The following CD28 variants were observed in gnomAD, a reference collection of about 807,000 sequenced individuals.
CD28 encodes CD28 molecule, also known as T-cell-specific surface glycoprotein CD28.
In CD28, 8 loss-of-function variants were observed where a neutral mutation model predicts 21.4. The ratio of observed to expected loss-of-function variants is 0.37; its 90% CI spans 0.22 to 0.68. The LOEUF is 0.68. CD28 is among the 30% of genes least tolerant of loss of function. CD28 has a pLI of 0.55. For synonymous variants in CD28, 106 were observed against 104.0 expected (o/e 1.02, Z -0.12); for missense variants, 239 against 272.2 (o/e 0.88, Z 0.86).
At chr2:203,728,270 A>C (rs1693804548) in intron 2 of CD28, among the ~76,000 whole-genome samples, 1 of 152,236 alleles carries the variant, frequency 6.6e-6, no homozygotes, top group South Asian at 2.1e-4. Context: ...GAATTAGTGA[A>C]AATAAGTCTA....
At chr2:203,711,741 C>G (rs1693317439) in intron 1 of CD28, among the ~76,000 whole-genome samples, 1 of 152,200 alleles carries the variant, frequency 6.6e-6, no homozygotes, top group Admixed American at 6.5e-5. Context: ...TCATGTTAGA[C>G]TTTTCGTGAA....
In CD28 at chr2:203,734,814, A is replaced by C. The variant is rs753396357; in HGVS notation, c.565A>C (p.Ser189Arg). The change falls in exon 4 of 4, where the codon AGT becomes CGT. Residue 189 changes from serine to arginine, a missense_variant. Coordinates refer to ENST00000324106, the MANE Select transcript of CD28 (RefSeq NM_006139.4). ...GAGTAAGAGGAGCAGGCTCCTGCAC[A>C]GTGACTACATGAACATGACTCCCCG... ...VRSKRSRLLHSDYMNMTPRRP... is the reference protein window; with the variant it reads ...VRSKRSRLLHRDYMNMTPRRP... 3 of 1,614,070 alleles carry C rather than the reference A, an allele frequency of 1.9e-6. No homozygotes were observed. The highest frequency in any genetic ancestry group is 3.3e-5 in the Admixed American group (2 of 60,008).
At chr2:203,708,724 T>C (rs1453080196) in intron 1 of CD28, among the ~76,000 whole-genome samples, 2 of 152,242 alleles carry the variant, frequency 1.3e-5, no homozygotes, top group African/African-American at 4.8e-5. Context: ...TAGCATTTGA[T>C]ACTGAGTGGC....
chr2:203,714,355 C>T (rs768242025), intron 1 of CD28, among the ~76,000 whole-genome samples: 1 of 152,132 alleles, frequency 6.6e-6, no homozygotes, highest in African/African-American at 2.4e-5. Flanking sequence ...TCACAGGGTT[C>T]AAACCAACCC....
chr2:203,721,349 C>T (rs923317408), intron 1 of CD28, among the ~76,000 whole-genome samples: 16 of 152,112 alleles, frequency 1.1e-4, no homozygotes, highest in Admixed American at 7.2e-4. Context: ...AGAAGAGAGC[C>T]CAAGCTCTCT....
chr2:203,722,115 A>G (rs536913762), intron 1 of CD28, among the ~76,000 whole-genome samples: 190 of 152,296 alleles, frequency 1.2e-3, no homozygotes, highest in Non-Finnish European at 2.3e-3. Context: ...GATCAGGAAG[A>G]ATTTGAATGT....
intron 1 of CD28, among the ~76,000 whole-genome samples, chr2:203,712,250 A>G (rs1316091034): frequency 6.6e-6 from 1 of 152,148 alleles, no homozygotes; most frequent in Non-Finnish European, 1.5e-5. Flanking sequence ...AGTACAAGTA[A>G]TTAGGTAGTT....
At chr2:203,722,514 C>T (rs1298235373) in intron 1 of CD28, among the ~76,000 whole-genome samples, 2 of 152,150 alleles carry the variant, frequency 1.3e-5, no homozygotes. Flanking sequence ...CTGCTGATAA[C>T]AACAATACAG....
chr2:203,725,957 C>T (rs1029811829), intron 1 of CD28, among the ~76,000 whole-genome samples: 1 of 152,058 alleles, frequency 6.6e-6, no homozygotes, highest in African/African-American at 2.4e-5. Flanking sequence ...GCTTGTAATC[C>T]CAGCACTTTG....
In CD28 at chr2:203,723,703, G is replaced by A. The variant is rs996317923; in HGVS notation, c.53-2930G>A. Among the ~76,000 whole-genome samples, 7 of 152,128 alleles carry A rather than the reference G, an allele frequency of 4.6e-5. No individual in the cohort carries two copies. The East Asian group carries it at 5.8e-4, about 13-fold the overall frequency. On this transcript the variant is annotated intron_variant, in intron 1 of 3. Transcript: ENST00000324106. ...AAACCATGATGAGATATCACTTCAC[G>A]TCCACCAGGATGGCTATAATAGAAA...
At chr2:203,728,473 C>T (rs1581514981) in intron 2 of CD28, among the ~76,000 whole-genome samples, 1 of 152,098 alleles carries the variant, frequency 6.6e-6, no homozygotes, top group South Asian at 2.1e-4. Flanking sequence ...GTACTGAATC[C>T]TAGCATAATG....
chr2:203,710,442 C>T (rs1693282486), intron 1 of CD28, among the ~76,000 whole-genome samples: 2 of 152,316 alleles, frequency 1.3e-5, no homozygotes, highest in Non-Finnish European at 2.9e-5. Flanking sequence ...AGAAATGAAT[C>T]TGTGATTGTA....
At chr2:203,729,439 A>G (rs1312990810) in intron 2 of CD28, among the ~76,000 whole-genome samples, 3 of 152,150 alleles carry the variant, frequency 2.0e-5, no homozygotes, top group Admixed American at 2.0e-4. Flanking sequence ...ATCCTAACGT[A>G]ATGGCTTTCA....
rs1349389240 is a variant in CD28 at position 203,706,663 on chromosome 2, G to C, written c.-34G>C. The stretch of plus-strand genomic sequence containing the variant: ...CACACTTCGGGTTCCTCGGGGAGGA[G>C]GGGCTGGAACCCTAGCCCATCGTCA... On this transcript the variant is annotated 5_prime_UTR_variant, in exon 1 of 4. Transcript: ENST00000324106. 1.2e-6 allele frequency: 2 copies of C among 1,614,068 alleles called. No individual in the cohort carries two copies. The highest frequency in any genetic ancestry group is 1.7e-6 in the Non-Finnish European group (2 of 1,179,982).
chr2:203,719,096 A>T (rs1693539753), intron 1 of CD28, among the ~76,000 whole-genome samples: 1 of 152,236 alleles, frequency 6.6e-6, no homozygotes, highest in African/African-American at 2.4e-5. Context: ...ATGAGCATGA[A>T]ATAAATTCAG....
intron 1 of CD28, among the ~76,000 whole-genome samples, chr2:203,712,200 C>CAAAAAA (rs3835894): frequency 6.6e-6 from 1 of 150,886 alleles, no homozygotes; most frequent in African/African-American, 2.4e-5. Flanking sequence ...TCAACAACAA[C>CAAAAAA]AAAAAAAAGA....
Position 203,711,678 on chromosome 2 carries a change from A to T in CD28, c.52+4930A>T, listed in dbSNP as rs1693316191. ...GATCTAATTGTGAGCCCCTTTCTGC[A>T]ATATCTGAATCACCTCATTGGCTCA... On this transcript the variant is annotated intron_variant, in intron 1 of 3. Coordinates refer to ENST00000324106, the MANE Select transcript of CD28 (RefSeq NM_006139.4). Among the ~76,000 whole-genome samples, 3 of 152,174 alleles carry T rather than the reference A, an allele frequency of 2.0e-5. No individual in the cohort carries two copies. The South Asian group carries it at 6.2e-4, about 32-fold the overall frequency.
At chr2:203,729,913 C>G in intron 3 of CD28, 141 bp downstream of exon 3, 1 of 842,276 alleles carries the variant, frequency 1.2e-6, no homozygotes, top group Non-Finnish European at 1.8e-6. Flanking sequence ...AGTAGGTTCT[C>G]TTTTAGCTTG....
chr2:203,727,205 C>T (rs1035670978), intron 2 of CD28, among the ~76,000 whole-genome samples: 3 of 152,088 alleles, frequency 2.0e-5, no homozygotes, highest in Non-Finnish European at 4.4e-5. Context: ...TGACATTGAG[C>T]GGGAGAGTAA....
Sources: allele counts gnomAD v4.1 joint callset (sites outside exome capture counted in the v4.1 genomes callset), GRCh38; gene constraint gnomAD v4.1.1; transcripts MANE v1.5; gene names NCBI Gene and HGNC (gene_info 2026-07-23, HGNC 2026-07-21).